CNTN1: variants seen among roughly 807,000 people sequenced by gnomAD.
The protein encoded by CNTN1 is contactin-1.
Under a neutral mutation model 126.4 loss-of-function variants are expected in CNTN1, and 38 were observed. The observed-to-expected ratio is 0.30, with a 90% CI of 0.23 to 0.39. The LOEUF is 0.39. CNTN1 is among the 10% of genes least tolerant of loss of function. The pLI is 1.00. For synonymous variants in CNTN1, 413 were observed against 422.6 expected (o/e 0.98, Z 0.28); for missense variants, 1,009 against 1,248.4 (o/e 0.81, Z 2.89).
chr12:40,773,006 G>C (rs1295238896), intron 1 of CNTN1, among the ~76,000 whole-genome samples: 1 of 151,854 alleles, frequency 6.6e-6, no homozygotes, highest in African/African-American at 2.4e-5. Context: ...ACGCACATTG[G>C]ATATACATAT....
intron 14 of CNTN1, among the ~76,000 whole-genome samples, chr12:40,948,258 CTTTTT>C (rs58087551): frequency 1.3e-4 from 8 of 62,682 alleles, no homozygotes; most frequent in East Asian, 4.7e-4. Flanking sequence ...TTCTTTCTTT[CTTTTT>C]TTTTTTTTTT....
At chr12:41,025,405 T>C in intron 21 of CNTN1, 69 bp downstream of exon 21, 1 of 1,508,594 alleles carries the variant, frequency 6.6e-7, no homozygotes, top group Non-Finnish European at 9.2e-7. Context: ...TACGAATATA[T>C]TTGAAGGAAA....
chr12:40,707,227 CTTTTTTTTTTTTTTTTTTTTTT>C (rs370984371), intron 1 of CNTN1, among the ~76,000 whole-genome samples: 1 of 109,166 alleles, frequency 9.2e-6, no homozygotes, highest in Admixed American at 9.8e-5. Context: ...TTTTCTTTTT[CTTTTTTTTTTTTTTTTTTTTTT>C]TTTTTTTTTT....
At chr12:40,720,347 T>C (rs1942165874) in intron 1 of CNTN1, among the ~76,000 whole-genome samples, 1 of 152,100 alleles carries the variant, frequency 6.6e-6, no homozygotes, top group Admixed American at 6.5e-5. Flanking sequence ...ATTAAGAGTA[T>C]GCTTATTTCA....
chr12:40,939,553 T>A (rs1170086640), intron 12 of CNTN1, 68 bp downstream of exon 12: 2 of 1,545,236 alleles, frequency 1.3e-6, no homozygotes, highest in South Asian at 1.2e-5. Flanking sequence ...AGAAGACTTG[T>A]TTATATGTTA....
At chr12:40,893,448 G>C (rs1169586246) in intron 1 of CNTN1, among the ~76,000 whole-genome samples, 1 of 152,020 alleles carries the variant, frequency 6.6e-6, no homozygotes, top group African/African-American at 2.4e-5. Context: ...AGAAACTGCA[G>C]CTATTGTAGT....
intron 1 of CNTN1, among the ~76,000 whole-genome samples, chr12:40,886,433 G>C (rs1034005791): frequency 2.6e-5 from 4 of 152,046 alleles, no homozygotes; most frequent in Non-Finnish European, 4.4e-5. Flanking sequence ...GGCTGTAAAA[G>C]TTAAGAGTCT....
intron 15 of CNTN1, among the ~76,000 whole-genome samples, chr12:40,969,790 G>A (rs1342243256): frequency 1.3e-5 from 2 of 152,154 alleles, no homozygotes; most frequent in Admixed American, 6.6e-5. Flanking sequence ...GTGAGAGTTA[G>A]CATGCTACCA....
intron 1 of CNTN1, among the ~76,000 whole-genome samples, chr12:40,837,693 T>C (rs530136764): frequency 6.6e-5 from 10 of 152,296 alleles, no homozygotes; most frequent in Non-Finnish European, 1.0e-4. Context: ...CTGATGGGAC[T>C]GAGGAGCAAG....
At chr12:41,030,613 A>G (rs1949127128) in intron 23 of CNTN1, among the ~76,000 whole-genome samples, 1 of 152,148 alleles carries the variant, frequency 6.6e-6, no homozygotes, top group Admixed American at 6.5e-5. Flanking sequence ...TATTCTTTCA[A>G]ACAAATATGC....
At chr12:40,857,738 C>T (rs1942964000) in intron 1 of CNTN1, among the ~76,000 whole-genome samples, 1 of 152,088 alleles carries the variant, frequency 6.6e-6, no homozygotes, top group Admixed American at 6.6e-5. Flanking sequence ...TCATTGTCAC[C>T]TTCCAGGTAC....
rs775149768 is a variant in CNTN1, at chr12:40,929,863, T to A, written c.564T>A (p.Phe188Leu). The change falls in exon 7 of 24, where the codon TTT (phenylalanine) becomes TTA (leucine). Residue 188 changes from phenylalanine to leucine, a missense_variant. Transcript: ENST00000551295. ...PVFITMDKRR[F>L]VSQTNGNLYI... is the part of the protein sequence containing the mutation. ...TTATCACAATGGATAAACGGCGATT[T>A]GTGTCTCAGACAAATGGCAATCTCT... 2.5e-5 allele frequency: 40 copies of A among 1,612,710 alleles called. No homozygotes were observed. Among genetic ancestry groups the A allele is most frequent in the Non-Finnish European group, 3.4e-5 (40 of 1,179,152 alleles).
intron 1 of CNTN1, among the ~76,000 whole-genome samples, chr12:40,737,313 A>G (rs1335396331): frequency 6.8e-6 from 1 of 146,678 alleles, no homozygotes; most frequent in East Asian, 2.0e-4. Flanking sequence ...GTGTATATAC[A>G]CATATACATG....
intron 17 of CNTN1, among the ~76,000 whole-genome samples, chr12:40,999,973 T>A (rs1948317115): frequency 6.6e-6 from 1 of 152,058 alleles, no homozygotes; most frequent in African/African-American, 2.4e-5. Flanking sequence ...CCCAAAGTGC[T>A]AGATTACAGA....
chr12:40,710,403 C>G (rs1941883474), intron 1 of CNTN1, among the ~76,000 whole-genome samples: 1 of 152,066 alleles, frequency 6.6e-6, no homozygotes, highest in African/African-American at 2.4e-5. Context: ...TCGCCAATCA[C>G]AGATCACCAT....
intron 4 of CNTN1, among the ~76,000 whole-genome samples, chr12:40,921,084 A>G (rs1441257035): frequency 6.6e-6 from 1 of 152,186 alleles, no homozygotes; most frequent in African/African-American, 2.4e-5. Flanking sequence ...GGGGAAGAGG[A>G]AGGCTTTATT....
intron 1 of CNTN1, among the ~76,000 whole-genome samples, chr12:40,769,806 T>C (rs1939262363): frequency 6.6e-6 from 1 of 152,176 alleles, no homozygotes; most frequent in African/African-American, 2.4e-5. Context: ...ACTGTTTAGA[T>C]ATTTTAAAGG....
chr12:40,844,247 TA>T (rs1288271786), intron 1 of CNTN1, among the ~76,000 whole-genome samples: 1 of 151,590 alleles, frequency 6.6e-6, no homozygotes, highest in African/African-American at 2.4e-5. Flanking sequence ...TTTGTATTTT[TA>T]GTAGAGACGG....
chr12:41,056,990 AATATTATAAATATTTAG>A, intron 23 of CNTN1, among the ~76,000 whole-genome samples: 5 of 96,074 alleles, frequency 5.2e-5, no homozygotes, highest in African/African-American at 2.8e-4. Flanking sequence ...GATATTTATA[AATATTATAAATATTTAG>A]ATATTTATAA....
Sources: gnomAD v4.1 joint callset for allele counts (sites outside exome capture counted in the v4.1 genomes callset) on GRCh38, gnomAD v4.1.1 for gene constraint, MANE v1.5 for transcripts, NCBI Gene and HGNC (gene_info 2026-07-23, HGNC 2026-07-21) for gene names.